Variants in FMN1 observed in about 807,000 individuals in gnomAD.
FMN1 encodes the protein formin-1.
Under a neutral mutation model 132.4 loss-of-function variants are expected in FMN1, and 110 were observed. That is an observed-to-expected ratio of 0.83 (90% CI 0.71 to 0.97). The LOEUF (loss-of-function observed/expected upper bound fraction) is 0.97, where lower values mean the gene tolerates loss of function less well. FMN1 is among the 50% of genes least tolerant of loss of function. The pLI is 0.00. For missense variants in FMN1, 1,792 were observed against 1,705.3 expected (o/e 1.05, Z -0.90); for synonymous variants, 722 against 651.7 (o/e 1.11, Z -1.64).
At chr15:33,019,794 C>T (rs2035318643) in intron 6 of FMN1, among the ~76,000 whole-genome samples, 1 of 152,218 alleles carries the variant, frequency 6.6e-6, no homozygotes, top group South Asian at 2.1e-4. Flanking sequence ...AGCCCATGCC[C>T]ACTCGGACCT....
intron 14 of FMN1, among the ~76,000 whole-genome samples, chr15:32,899,455 A>C (rs1202233220): frequency 2.6e-5 from 4 of 152,120 alleles, no homozygotes; most frequent in Non-Finnish European, 5.9e-5. Flanking sequence ...CCTGCCCCCC[A>C]TGGGACGCCT....
intron 17 of FMN1, among the ~76,000 whole-genome samples, chr15:32,835,774 G>A (rs1396857712): frequency 6.6e-6 from 1 of 152,176 alleles, no homozygotes; most frequent in African/African-American, 2.4e-5. Context: ...AAGGCAGAAA[G>A]TGAAGCTTGT....
At chr15:32,911,759 A>T (rs2060566844) in intron 10 of FMN1, among the ~76,000 whole-genome samples, 1 of 152,188 alleles carries the variant, frequency 6.6e-6, no homozygotes, top group African/African-American at 2.4e-5. Context: ...AGAGGAGGTT[A>T]ATATGCTAGA....
chr15:32,979,445 A>G (rs2032465686), intron 7 of FMN1, among the ~76,000 whole-genome samples: 1 of 150,956 alleles, frequency 6.6e-6, no homozygotes, highest in Non-Finnish European at 1.5e-5. Flanking sequence ...AGTCCCAGCT[A>G]CTTGGGAGGC....
intron 15 of FMN1, among the ~76,000 whole-genome samples, chr15:32,891,553 TTC>T (rs1446847685): frequency 6.6e-6 from 1 of 152,080 alleles, no homozygotes; most frequent in Non-Finnish European, 1.5e-5. Flanking sequence ...TTTTTTCTAA[TTC>T]TGTTAAGAAT....
At chr15:33,112,775 G>A (rs1338682175) in intron 4 of FMN1, among the ~76,000 whole-genome samples, 1 of 152,198 alleles carries the variant, frequency 6.6e-6, no homozygotes, top group Admixed American at 6.5e-5. Context: ...GATCACATGG[G>A]AAATGTGGGT....
chr15:32,969,687 T>C (rs1174228044), intron 7 of FMN1, among the ~76,000 whole-genome samples: 3 of 152,302 alleles, frequency 2.0e-5, no homozygotes, highest in Middle Eastern at 3.4e-3. Flanking sequence ...CAAAGCACAA[T>C]TTCAACCAGC....
At chr15:32,884,454 T>G (rs1460272272) in intron 16 of FMN1, among the ~76,000 whole-genome samples, 1 of 152,174 alleles carries the variant, frequency 6.6e-6, no homozygotes, top group Admixed American at 6.5e-5. Context: ...AAAGACTGAC[T>G]TTAAAGATTC....
intron 7 of FMN1, among the ~76,000 whole-genome samples, chr15:32,979,991 G>A (rs1029863460): frequency 3.7e-4 from 56 of 152,236 alleles, no homozygotes; most frequent in Admixed American, 1.3e-4. Context: ...GTTTTACCAG[G>A]GATTAGTCAC....
In FMN1 at chr15:33,012,270, C is replaced by G. The variant is rs1226205161; in HGVS notation, c.2162-4195G>C. 1.6e-5 allele frequency: 12 copies of G among 730,296 alleles called. No homozygotes were observed. The Admixed American group carries it at 1.9e-4, about 12-fold the overall frequency. The allele number at this position is 730,296 out of a possible 1,614,324, so 45.2% of individuals were successfully genotyped here. On this transcript the variant is annotated intron_variant, in intron 6 of 20. Transcript: ENST00000616417. Reference sequence around the variant, plus strand: ...ACTGTGTGGTAATGAGATCCAAACACCAGGTATTCCAGAGGCTTTGGGTTT... The same window carrying G: ...ACTGTGTGGTAATGAGATCCAAACAGCAGGTATTCCAGAGGCTTTGGGTTT...
chr15:32,791,302 TAATG>T (rs2057068430), intron 19 of FMN1, among the ~76,000 whole-genome samples: 1 of 151,780 alleles, frequency 6.6e-6, no homozygotes, highest in Non-Finnish European at 1.5e-5. Flanking sequence ...TTCTGTTTAT[TAATG>T]AAACTATGAC....
At chr15:32,826,141 CTG>C (rs747218823) in intron 17 of FMN1, among the ~76,000 whole-genome samples, 1 of 152,248 alleles carries the variant, frequency 6.6e-6, no homozygotes, top group Non-Finnish European at 1.5e-5. Flanking sequence ...AAATCTATCA[CTG>C]ACTTAGCAGT....
chr15:33,067,059 A>C lies in FMN1; in HGVS notation c.2044-1985T>G, dbSNP rs758044578. The C allele has an allele frequency of 3.1e-6, 5 of 1,613,806 alleles. No individual in the cohort carries two copies. Among genetic ancestry groups the C allele is most frequent in the African/African-American group, 2.7e-5 (2 of 74,872 alleles). ...TTCAGCACACGAAGCCCACTGAAAAAAGCTGGAAGTTGGAATGACTTCTCT... is the reference window on the plus strand; with the variant it reads ...TTCAGCACACGAAGCCCACTGAAAACAGCTGGAAGTTGGAATGACTTCTCT... On this transcript the variant is annotated intron_variant, in intron 5 of 20. Coordinates refer to ENST00000616417, the MANE Select transcript of FMN1 (RefSeq NM_001277313.2).
At chr15:33,127,015 T>G (rs368617476) in intron 4 of FMN1, among the ~76,000 whole-genome samples, 2 of 152,186 alleles carry the variant, frequency 1.3e-5, no homozygotes, top group Non-Finnish European at 2.9e-5. Context: ...TGTGGGAGTT[T>G]GAGAAAACTG....
At chr15:33,082,220 C>A (rs948067951) in intron 5 of FMN1, among the ~76,000 whole-genome samples, 1 of 151,824 alleles carries the variant, frequency 6.6e-6, no homozygotes, top group Non-Finnish European at 1.5e-5. Context: ...TTACAGGCGC[C>A]CACCGCCACG....
intron 19 of FMN1, among the ~76,000 whole-genome samples, chr15:32,798,366 C>T (rs776250720): frequency 5.9e-5 from 9 of 151,788 alleles, no homozygotes; most frequent in African/African-American, 9.7e-5. Flanking sequence ...GGGGCTTCCA[C>T]GCTGTGTGAA....
At chr15:33,053,888 G>A (rs1181889407) in intron 6 of FMN1, among the ~76,000 whole-genome samples, 2 of 134,734 alleles carry the variant, frequency 1.5e-5, no homozygotes, top group Non-Finnish European at 3.4e-5. Context: ...TCCTTTCTTT[G>A]TTTTCTTTTT....
chr15:33,068,129 G>A (rs566021050), intron 5 of FMN1: 48 of 885,376 alleles, frequency 5.4e-5, no homozygotes, highest in African/African-American at 4.4e-4. Context: ...AGAAGCAGCC[G>A]AGGCTGCGCA....
intron 9 of FMN1, among the ~76,000 whole-genome samples, chr15:32,950,374 G>C (rs1410657623): frequency 6.6e-6 from 1 of 151,858 alleles, no homozygotes; most frequent in Non-Finnish European, 1.5e-5. Context: ...CTGTTATAAA[G>C]ACATATGCAC....
Sources: allele counts gnomAD v4.1 joint callset (sites outside exome capture counted in the v4.1 genomes callset), GRCh38; gene constraint gnomAD v4.1.1; transcripts MANE v1.5; gene names NCBI Gene and HGNC (gene_info 2026-07-23, HGNC 2026-07-21).